Variants in MPHOSPH9 observed in about 807,000 individuals in gnomAD.
The protein encoded by MPHOSPH9 is M-phase phosphoprotein 9.
A neutral mutation model predicts 145.5 loss-of-function variants in MPHOSPH9; 88 were observed. That is an observed-to-expected ratio of 0.60 (90% CI 0.51 to 0.72). The LOEUF (loss-of-function observed/expected upper bound fraction) is 0.72. Ranked by LOEUF, MPHOSPH9 falls within the 30% of genes least tolerant of loss-of-function variation. MPHOSPH9 has a pLI of 0.00. For synonymous variants in MPHOSPH9, 435 were observed against 486.2 expected (o/e 0.89, Z 1.39); for missense variants, 1,238 against 1,386.6 (o/e 0.89, Z 1.70).
At chr12:123,218,167 A>C (rs1242823158) in intron 6 of MPHOSPH9, among the ~76,000 whole-genome samples, 1 of 152,036 alleles carries the variant, frequency 6.6e-6, no homozygotes, top group African/African-American at 2.4e-5. Flanking sequence ...GGGAGGCAGA[A>C]GTTGAAGTGA....
intron 6 of MPHOSPH9, among the ~76,000 whole-genome samples, chr12:123,216,988 CAAAA>C (rs893554392): frequency 6.5e-5 from 7 of 108,022 alleles, no homozygotes; most frequent in Admixed American, 2.4e-4. Flanking sequence ...GACTCCATGT[CAAAA>C]AAATAAATAA....
intron 1 of MPHOSPH9, among the ~76,000 whole-genome samples, chr12:123,240,848 C>T (rs12829456): frequency 0.16 from 24,494 of 150,728 alleles, 2,318 homozygotes; most frequent in Middle Eastern, 0.26. Context: ...ATTCTCCTGC[C>T]TCAGCCTCAG....
At chr12:123,186,082 G>A (rs1430525297) in intron 13 of MPHOSPH9, among the ~76,000 whole-genome samples, 2 of 151,900 alleles carry the variant, frequency 1.3e-5, no homozygotes, top group African/African-American at 4.8e-5. Flanking sequence ...AAAATTAGCT[G>A]GGCATGGGGT....
At chr12:123,167,343 ATGG>A (rs1041190793) in intron 16 of MPHOSPH9, among the ~76,000 whole-genome samples, 1 of 152,184 alleles carries the variant, frequency 6.6e-6, no homozygotes, top group African/African-American at 2.4e-5. Context: ...CTCCCAAAAA[ATGG>A]AGCTGGGAGG....
intron 7 of MPHOSPH9, among the ~76,000 whole-genome samples, chr12:123,213,984 G>A (rs191166592): frequency 6.6e-6 from 1 of 152,214 alleles, no homozygotes; most frequent in East Asian, 1.9e-4. Context: ...AAGAAGTGGT[G>A]CGATTCTAGA....
Position 123,194,534 on chromosome 12 carries a change from T to G in MPHOSPH9, c.2093A>C (p.Glu698Ala). ...TTTTTCTTTACTGCTTGTTCTCATT[T>G]CTTCAATTCGTTCCTGCAAAATTTT... ...ASKILQERIE[E>A]MRTSSKEKDN... Residue 698 changes from glutamate to alanine, a missense_variant, in exon 13 of 24, where the codon GAA (glutamate) becomes GCA (alanine). Physicochemically the swap from Glu to Ala is moderately radical, Grantham distance 107. Around this residue, in one of 3 missense-constraint regions of MPHOSPH9, gnomAD observed 837 missense variants for 897.5 expected, o/e 0.93. Coordinates refer to ENST00000606320, the MANE Select transcript of MPHOSPH9 (RefSeq NM_022782.4). 1 of 1,613,386 alleles carries G rather than the reference T, an allele frequency of 6.2e-7. No individual in the cohort carries two copies. Among genetic ancestry groups the G allele is most frequent in the Non-Finnish European group, 8.5e-7 (1 of 1,179,928 alleles).
chr12:123,170,220 G>A (rs1323034207), intron 16 of MPHOSPH9, among the ~76,000 whole-genome samples: 1 of 151,580 alleles, frequency 6.6e-6, no homozygotes, highest in African/African-American at 2.4e-5. Flanking sequence ...TCGGCTCACT[G>A]CAACCTCCGC....
At chr12:123,243,169 C>G (rs1045643038) in intron 1 of MPHOSPH9, among the ~76,000 whole-genome samples, 1 of 152,156 alleles carries the variant, frequency 6.6e-6, no homozygotes, top group African/African-American at 2.4e-5. Context: ...TTCCTTGGCA[C>G]ACTCCATTTC....
At position 123,159,405 on chromosome 12, in the gene MPHOSPH9, C is replaced by T. The variant is rs1288642908; in HGVS notation, c.3450+1376G>A. On this transcript the variant is annotated intron_variant, in intron 23 of 23. Coordinates refer to ENST00000606320, the MANE Select transcript of MPHOSPH9 (RefSeq NM_022782.4). The surrounding 1 kb of genome is among the most constrained non-coding windows in gnomAD (Gnocchi z 4.3). Reference sequence around the variant, plus strand: ...GTCTTGAACTCCTGACCTCGTGATCCGCCCACCTCGGCCTCCCAAAGTGCT... The same window carrying T: ...GTCTTGAACTCCTGACCTCGTGATCTGCCCACCTCGGCCTCCCAAAGTGCT... Among the ~76,000 whole-genome samples, 2 of 151,914 alleles carry T rather than the reference C, an allele frequency of 1.3e-5. No homozygotes were observed. Among genetic ancestry groups the T allele is most frequent in the Non-Finnish European group, 2.9e-5 (2 of 67,986 alleles).
At chr12:123,165,176 TA>T in intron 18 of MPHOSPH9, 125 bp downstream of exon 18, 1 of 861,122 alleles carries the variant, frequency 1.2e-6, no homozygotes, top group Non-Finnish European at 1.8e-6. Context: ...GAAGTAGCAG[TA>T]AAATAGCAAG....
rs773090277 is a variant in MPHOSPH9 at position 123,154,307 on chromosome 12, C to T, written c.*2500G>A. 1.3e-5 allele frequency: 2 copies of T among 151,274 alleles called. No homozygotes were observed. Among genetic ancestry groups the T allele is most frequent in the Non-Finnish European group, 2.9e-5 (2 of 67,948 alleles). 9.4% of individuals were successfully genotyped at this position (151,274 alleles called of 1,614,324 possible). A position where few individuals can be genotyped will look rare whatever the true frequency, so the allele number is the denominator to read the frequency against. On this transcript the variant is annotated 3_prime_UTR_variant, in exon 24 of 24. Transcript: ENST00000606320. ...AGTTTATACCCGGGGATAATAGCTG[C>T]TATTTAGAATTGCCATCTTTCCTGC... is the stretch of plus-strand genomic sequence containing the variant.
chr12:123,243,630 A>G (rs2138763263), intron 1 of MPHOSPH9, among the ~76,000 whole-genome samples: 1 of 152,022 alleles, frequency 6.6e-6, no homozygotes, highest in South Asian at 2.1e-4. Context: ...ACTTGAACCC[A>G]GGAGGCGGAG....
chr12:123,222,780 A>G (rs1191437104), intron 4 of MPHOSPH9, among the ~76,000 whole-genome samples: 1 of 152,146 alleles, frequency 6.6e-6, no homozygotes, highest in African/African-American at 2.4e-5. Flanking sequence ...TACTAAAAAT[A>G]CCAAAATTAG....
intron 16 of MPHOSPH9, among the ~76,000 whole-genome samples, chr12:123,167,115 A>G (rs981162347): frequency 6.6e-6 from 1 of 152,144 alleles, no homozygotes; most frequent in African/African-American, 2.4e-5. Flanking sequence ...TGCTGAAGGA[A>G]GCAGGGCTGC....
intron 13 of MPHOSPH9, among the ~76,000 whole-genome samples, chr12:123,191,328 T>C (rs2045668306): frequency 6.6e-6 from 1 of 150,964 alleles, no homozygotes; most frequent in Non-Finnish European, 1.5e-5. Flanking sequence ...TCTCCAAAAA[T>C]AAAGAAAAAG....
At chr12:123,192,652 A>C (rs1379488178) in intron 13 of MPHOSPH9, among the ~76,000 whole-genome samples, 1 of 150,186 alleles carries the variant, frequency 6.7e-6, no homozygotes, top group Non-Finnish European at 1.5e-5. Context: ...AAAAAAAAAA[A>C]AAAAACAGAG....
intron 1 of MPHOSPH9, among the ~76,000 whole-genome samples, chr12:123,241,529 G>A (rs543306567): frequency 8.6e-5 from 13 of 152,038 alleles, no homozygotes; most frequent in African/African-American, 1.7e-4. Context: ...TAGTAGAGAC[G>A]GGGTTTCACC....
intron 21 of MPHOSPH9, 126 bp from the exon 22 acceptor site, chr12:123,161,509 A>G (rs530383993): frequency 1.0e-4 from 98 of 948,770 alleles, no homozygotes; most frequent in Non-Finnish European, 1.4e-4. Flanking sequence ...AAAAGTAATG[A>G]AAAGAGATAC....
In MPHOSPH9 at chr12:123,203,007, A is replaced by G. The variant is rs775260385; in HGVS notation, c.1398T>C (p.Asn466=). Residue 466 remains asparagine, a synonymous_variant, in exon 10 of 24, where the codon AAT becomes AAC. Coordinates refer to ENST00000606320, the MANE Select transcript of MPHOSPH9 (RefSeq NM_022782.4). The part of the protein sequence containing the change: ...ISGIQPHGLP[N]ALDDRISFSP... ...AAAAGGATATTCTGTCATCAAGGGC[A>G]TTCGGAAGGCCGTGAGGTTGAATCC... is the stretch of plus-strand genomic sequence containing the variant. The G allele has an allele frequency of 1.2e-6, 2 of 1,614,226 alleles. No individual in the cohort carries two copies. Among genetic ancestry groups the G allele is most frequent in the Non-Finnish European group, 8.5e-7 (1 of 1,180,046 alleles).
Sources: gnomAD v4.1 joint callset for allele counts (sites outside exome capture counted in the v4.1 genomes callset) on GRCh38, gnomAD v4.1.1 for gene constraint, gnomAD v4.1.1 regional missense constraint, Gnocchi (gnomAD v3.1) non-coding constraint, MANE v1.5 for transcripts, NCBI Gene and HGNC (gene_info 2026-07-23, HGNC 2026-07-21) for gene names.